Variants in NRXN3 observed in about 807,000 individuals in gnomAD.
NRXN3 encodes neurexin III.
Under a neutral mutation model 137.6 loss-of-function variants are expected in NRXN3, and 32 were observed. The ratio of observed to expected loss-of-function variants is 0.23; its 90% CI spans 0.18 to 0.31. NRXN3 has a LOEUF of 0.31. Ranked by LOEUF, NRXN3 falls within the 10% of genes least tolerant of loss-of-function variation. The pLI, the probability that NRXN3 is intolerant of heterozygous loss-of-function variation, is 1.00. For missense variants in NRXN3, 1,574 were observed against 2,062.5 expected, an observed-to-expected ratio of 0.76 and a Z score of 4.59; for synonymous variants, 798 against 784.5, an observed-to-expected ratio of 1.02 and a Z score of -0.29.
chr14:78,182,856 T>C (rs1015069945), intron 1 of NRXN3, among the ~76,000 whole-genome samples: 1 of 151,860 alleles, frequency 6.6e-6, no homozygotes, highest in Non-Finnish European at 1.5e-5. Context: ...AAAAAAAAAG[T>C]TTTTGGGAGG....
chr14:78,791,566 T>C (rs527777356), intron 8 of NRXN3, among the ~76,000 whole-genome samples: 1 of 152,300 alleles, frequency 6.6e-6, no homozygotes, highest in African/African-American at 2.4e-5. Context: ...TACATATTCT[T>C]ACCTGTTCCC....
chr14:79,524,466 C>G (rs1355866136), intron 16 of NRXN3, among the ~76,000 whole-genome samples: 1 of 152,110 alleles, frequency 6.6e-6, no homozygotes, highest in South Asian at 2.1e-4. Flanking sequence ...TTCACAGGTA[C>G]CTGAAATGGT....
chr14:78,456,859 C>CTTTCTTTCTTTTTCTCTT lies in NRXN3; in HGVS notation c.757+159000_757+159001insTTCTTTCTTTTTCTCTTT, dbSNP rs1567645300. ...TTTCTTTCTTTCTTTCTTTCTTTTT[C>CTTTCTTTCTTTTTCTCTT]TCTTTCTTTCTTTCTTTCTTTCCTT... On this transcript the variant is annotated intron_variant, in intron 4 of 20. Coordinates refer to ENST00000335750, the MANE Select transcript of NRXN3 (RefSeq NM_001330195.2). Among the ~76,000 whole-genome samples, 105 of 81,254 alleles carry CTTTCTTTCTTTTTCTCTT rather than the reference C, an allele frequency of 1.3e-3. 1 individual carries two copies. The East Asian group carries it at 0.015, about 11-fold the overall frequency. The allele number at this position is 81,254 out of a possible 152,430, so 53.3% of individuals were successfully genotyped here.
At chr14:79,020,862 T>TACACACACACACACAC (rs3035451) in intron 15 of NRXN3, among the ~76,000 whole-genome samples, 13 of 145,200 alleles carry the variant, frequency 9.0e-5, no homozygotes, top group East Asian at 2.1e-4. Context: ...GCTTGCATTT[T>TACACACACACACACAC]ACACACACAC....
At chr14:79,316,928 C>G (rs1033961066) in intron 15 of NRXN3, among the ~76,000 whole-genome samples, 6 of 152,048 alleles carry the variant, frequency 3.9e-5, no homozygotes, top group African/African-American at 1.4e-4. Flanking sequence ...GGTGAAAAGT[C>G]TGAAATAAAA....
intron 4 of NRXN3, among the ~76,000 whole-genome samples, chr14:78,513,289 T>C (rs2096142968): frequency 6.6e-6 from 1 of 152,204 alleles, no homozygotes; most frequent in South Asian, 2.1e-4. Flanking sequence ...ACTTATTAGA[T>C]GTTAGCTATC....
intron 15 of NRXN3, among the ~76,000 whole-genome samples, chr14:79,220,364 T>C (rs1383826643): frequency 1.3e-5 from 2 of 152,094 alleles, no homozygotes; most frequent in Non-Finnish European, 2.9e-5. Flanking sequence ...CTCATAAACC[T>C]CTTCCTATGC....
chr14:79,066,338 A>C (rs1334798971), intron 15 of NRXN3, among the ~76,000 whole-genome samples: 1 of 151,950 alleles, frequency 6.6e-6, no homozygotes, highest in Non-Finnish European at 1.5e-5. Context: ...GTGCTTTTCC[A>C]TTGATCTATT....
intron 4 of NRXN3, among the ~76,000 whole-genome samples, chr14:78,413,491 G>A (rs970658159): frequency 1.3e-4 from 20 of 152,110 alleles, no homozygotes; most frequent in Admixed American, 6.5e-5. Context: ...CTCCATGTTG[G>A]TCAGGCTGGT....
At chr14:79,276,625 C>G (rs1461614630) in intron 15 of NRXN3, among the ~76,000 whole-genome samples, 1 of 151,058 alleles carries the variant, frequency 6.6e-6, no homozygotes, top group Non-Finnish European at 1.5e-5. Context: ...TATTGCCTAG[C>G]AGAGAATTAA....
chr14:79,828,937 T>A (rs765771061), intron 20 of NRXN3, among the ~76,000 whole-genome samples: 1 of 152,162 alleles, frequency 6.6e-6, no homozygotes, highest in Non-Finnish European at 1.5e-5. Context: ...GGAGATACAA[T>A]GGTGGAGAGG....
chr14:79,787,769 G>GTGTATATATATATATATATATATATATA (rs1568252498), intron 19 of NRXN3, among the ~76,000 whole-genome samples: 6 of 151,984 alleles, frequency 3.9e-5, no homozygotes, highest in African/African-American at 1.2e-4. Flanking sequence ...TTGTGTGTGT[G>GTGTATATATATATATATATATATATATA]TATATATATA....
chr14:78,734,238 CACACACACACACACA>C (rs1444668189), intron 8 of NRXN3, among the ~76,000 whole-genome samples: 5 of 151,784 alleles, frequency 3.3e-5, no homozygotes, highest in Admixed American at 6.6e-5. Context: ...CACACACACA[CACACACACACACACA>C]CCCTTTTCAT....
intron 4 of NRXN3, among the ~76,000 whole-genome samples, chr14:78,585,585 C>A (rs1434621636): frequency 6.6e-6 from 1 of 151,958 alleles, no homozygotes. Flanking sequence ...AAGTTAGTGG[C>A]GGAAGAGGTC....
chr14:79,267,903 A>G (rs1238589942), intron 15 of NRXN3, among the ~76,000 whole-genome samples: 2 of 152,230 alleles, frequency 1.3e-5, no homozygotes, highest in Non-Finnish European at 2.9e-5. Context: ...GACTTCTTGC[A>G]TTATGTTCCA....
At chr14:78,261,852 C>T (rs1024945171) in intron 2 of NRXN3, among the ~76,000 whole-genome samples, 2 of 152,244 alleles carry the variant, frequency 1.3e-5, no homozygotes, top group South Asian at 4.2e-4. Flanking sequence ...AAGATTTTGG[C>T]TAAGGAGAAT....
At chr14:79,409,643 A>ATATATATATC (rs1191764607) in intron 15 of NRXN3, among the ~76,000 whole-genome samples, 4 of 141,264 alleles carry the variant, frequency 2.8e-5, no homozygotes, top group Non-Finnish European at 4.6e-5. Flanking sequence ...ATATATATAT[A>ATATATATATC]TCCTCAAAAT....
intron 4 of NRXN3, among the ~76,000 whole-genome samples, chr14:78,307,089 G>T (rs1408500259): frequency 1.3e-5 from 2 of 152,082 alleles, no homozygotes; most frequent in East Asian, 3.8e-4. Context: ...AATGTGCTTT[G>T]TGTGTGAACA....
rs1253815947 is a variant in NRXN3 at position 79,527,786 on chromosome 14, G to A, written c.3444+60384G>A. Among the ~76,000 whole-genome samples, 16 of 149,786 alleles carry A rather than the reference G, an allele frequency of 1.1e-4. No individual in the cohort carries two copies. In the South Asian group the frequency reaches 3.2e-3, roughly 30 times the overall value. On this transcript the variant is annotated intron_variant, in intron 16 of 20. Transcript: ENST00000335750. The stretch of plus-strand genomic sequence containing the variant: ...CTTGGGAGGTTGAGGCAGGAGAATC[G>A]CTTCAACCCGGGAGGCAGAGGTTGC...
Sources: allele counts gnomAD v4.1 joint callset (sites outside exome capture counted in the v4.1 genomes callset), GRCh38; gene constraint gnomAD v4.1.1; transcripts MANE v1.5; gene names NCBI Gene and HGNC (gene_info 2026-07-23, HGNC 2026-07-21).